CCDC148: variants seen among roughly 807,000 people sequenced by gnomAD.
CCDC148 encodes the protein coiled-coil domain containing 148, also known as coiled-coil domain-containing protein 148.
In CCDC148, 89 loss-of-function variants were observed where a neutral mutation model predicts 85.7. The observed-to-expected ratio is 1.04, with a 90% confidence interval of 0.87 to 1.24. The LOEUF (loss-of-function observed/expected upper bound fraction) is 1.24, where lower values mean the gene tolerates loss of function less well. CCDC148 is among the 50% of genes most tolerant of loss of function. CCDC148 has a pLI of 0.00. For missense variants in CCDC148, 692 were observed against 671.7 expected (o/e 1.03, Z -0.33); for synonymous variants, 230 against 213.9 (o/e 1.08, Z -0.66).
At chr2:158,410,203 A>C (rs1328515144) in intron 1 of CCDC148, among the ~76,000 whole-genome samples, 2 of 152,152 alleles carry the variant, frequency 1.3e-5, no homozygotes, top group African/African-American at 4.8e-5. Flanking sequence ...ATTTGCATGG[A>C]ATATTTTTTT....
At chr2:158,267,682 A>G (rs1689529014) in intron 9 of CCDC148, among the ~76,000 whole-genome samples, 1 of 152,220 alleles carries the variant, frequency 6.6e-6, no homozygotes, top group Non-Finnish European at 1.5e-5. Flanking sequence ...CTCTGCTTTC[A>G]TATAAATATA....
chr2:158,324,019 C>A (rs976967946), intron 7 of CCDC148, among the ~76,000 whole-genome samples: 1 of 143,690 alleles, frequency 7.0e-6, no homozygotes, highest in African/African-American at 2.6e-5. Context: ...CAGGCTCAAG[C>A]GATTCTTCTG....
rs142262582 is a variant in CCDC148 at position 158,292,893 on chromosome 2, A to G, written c.1110+16540T>C. On this transcript the variant is annotated intron_variant, in intron 9 of 13. Transcript: ENST00000283233. ...CAGAGAACATAAAGGAGTACACAAGATTCCTCCTATAGCACTTTTTTAATA... is the reference window on the plus strand; with the variant it reads ...CAGAGAACATAAAGGAGTACACAAGGTTCCTCCTATAGCACTTTTTTAATA... Among the ~76,000 whole-genome samples the G allele has an allele frequency of 2.0e-4, 31 of 152,332 alleles. No homozygotes were observed. In the East Asian group the frequency reaches 6.0e-3, roughly 29 times the overall value.
chr2:158,342,807 T>C (rs1202679012), intron 3 of CCDC148, among the ~76,000 whole-genome samples: 1 of 152,174 alleles, frequency 6.6e-6, no homozygotes, highest in Non-Finnish European at 1.5e-5. Context: ...AGGGATTCTT[T>C]GTGGTACCAG....
intron 9 of CCDC148, among the ~76,000 whole-genome samples, chr2:158,260,243 A>G (rs989247446): frequency 5.3e-5 from 8 of 152,048 alleles, no homozygotes; most frequent in African/African-American, 1.9e-4. Context: ...TAACATAAAC[A>G]GAACTAAAGA....
chr2:158,232,058 T>C (rs868565020), intron 10 of CCDC148, among the ~76,000 whole-genome samples: 19 of 128,714 alleles, frequency 1.5e-4, no homozygotes, highest in African/African-American at 3.9e-4. Flanking sequence ...GTTCCAATGA[T>C]AGAAGAATCA....
At chr2:158,226,699 A>G (rs1386224839) in intron 10 of CCDC148, among the ~76,000 whole-genome samples, 2 of 152,226 alleles carry the variant, frequency 1.3e-5, no homozygotes, top group Non-Finnish European at 2.9e-5. Flanking sequence ...AACCAACGAC[A>G]AAAACCACAT....
chr2:158,220,165 C>T (rs1687098202), intron 11 of CCDC148, among the ~76,000 whole-genome samples: 1 of 148,248 alleles, frequency 6.7e-6, no homozygotes, highest in African/African-American at 2.6e-5. Context: ...ATTGGGCATG[C>T]CCTAAGTATG....
intron 11 of CCDC148, among the ~76,000 whole-genome samples, chr2:158,183,643 T>C (rs1018709690): frequency 1.3e-5 from 2 of 152,178 alleles, no homozygotes; most frequent in Non-Finnish European, 2.9e-5. Context: ...CTAACTAGTA[T>C]GGAACTCCCC....
chr2:158,341,376 A>G (rs7564131), intron 3 of CCDC148, among the ~76,000 whole-genome samples: 51,834 of 149,066 alleles, frequency 0.35, 9,243 homozygotes, highest in African/African-American at 0.43. Flanking sequence ...GCACAATCTC[A>G]GTTCACTGAA....
intron 11 of CCDC148, among the ~76,000 whole-genome samples, chr2:158,199,629 T>C (rs1443473751): frequency 6.6e-6 from 1 of 152,224 alleles, no homozygotes; most frequent in Non-Finnish European, 1.5e-5. Flanking sequence ...TTCTAGATGA[T>C]AGATTCTAAA....
chr2:158,236,401 T>A (rs1034193532), intron 10 of CCDC148, among the ~76,000 whole-genome samples: 2 of 152,232 alleles, frequency 1.3e-5, no homozygotes, highest in African/African-American at 4.8e-5. Context: ...GTTTTCAGTA[T>A]GGGCATTGAA....
chr2:158,243,177 T>C (rs1472467506), intron 10 of CCDC148, among the ~76,000 whole-genome samples: 2 of 152,060 alleles, frequency 1.3e-5, no homozygotes, highest in African/African-American at 4.8e-5. Flanking sequence ...GTTTGTTCAA[T>C]GATGGAAGTA....
intron 7 of CCDC148, among the ~76,000 whole-genome samples, chr2:158,331,256 T>A (rs1191093284): frequency 6.6e-6 from 1 of 152,188 alleles, no homozygotes; most frequent in African/African-American, 2.4e-5. Flanking sequence ...GCCTTCATTT[T>A]GTTATGTACC....
At chr2:158,313,951 C>A in intron 7 of CCDC148, 57 bp from the exon 8 acceptor site, 1 of 1,548,924 alleles carries the variant, frequency 6.5e-7, no homozygotes, top group Non-Finnish European at 8.8e-7. Flanking sequence ...ATTTGAGGGA[C>A]TCAAACTGTT....
chr2:158,264,462 T>C (rs1689369562), intron 9 of CCDC148, among the ~76,000 whole-genome samples: 1 of 152,112 alleles, frequency 6.6e-6, no homozygotes, highest in African/African-American at 2.4e-5. Context: ...ACGTGGGATG[T>C]TATTCAGCAA....
At chr2:158,306,841 A>C (rs1691713501) in intron 9 of CCDC148, among the ~76,000 whole-genome samples, 1 of 151,250 alleles carries the variant, frequency 6.6e-6, no homozygotes, top group Non-Finnish European at 1.5e-5. Flanking sequence ...AAAAAAAAAA[A>C]ACACTAAAAA....
intron 1 of CCDC148, among the ~76,000 whole-genome samples, chr2:158,389,193 G>A (rs1163641928): frequency 6.6e-6 from 1 of 152,134 alleles, no homozygotes; most frequent in Non-Finnish European, 1.5e-5. Context: ...CACAGCATAT[G>A]TTGGTGGTCC....
At chr2:158,292,817 A>G (rs991915790) in intron 9 of CCDC148, among the ~76,000 whole-genome samples, 4 of 152,240 alleles carry the variant, frequency 2.6e-5, no homozygotes, top group African/African-American at 9.6e-5. Flanking sequence ...TAAAAACACC[A>G]TGAAGAATAT....
Sources: gnomAD v4.1 joint callset for allele counts (sites outside exome capture counted in the v4.1 genomes callset) on GRCh38, gnomAD v4.1.1 for gene constraint, MANE v1.5 for transcripts, NCBI Gene and HGNC (gene_info 2026-07-23, HGNC 2026-07-21) for gene names.